MINDY2: variants seen among roughly 807,000 people sequenced by gnomAD.
The protein encoded by MINDY2 is ubiquitin carboxyl-terminal hydrolase MINDY-2.
MINDY2 carries 52 observed loss-of-function variants against 68.2 expected under a neutral mutation model. The observed-to-expected ratio is 0.76, with a 90% CI of 0.61 to 0.96. The LOEUF is 0.96. Among genes scored for constraint, MINDY2 ranks in the 40% least tolerant of loss-of-function variants. The pLI, the probability that MINDY2 is intolerant of heterozygous loss-of-function variation, is 0.00. For missense variants in MINDY2, 881 were observed against 773.4 expected, an observed-to-expected ratio of 1.14 and a Z score of -1.65; for synonymous variants, 372 against 303.0, an observed-to-expected ratio of 1.23 and a Z score of -2.36.
At chr15:58,832,027 C>A (rs1470958900) in intron 6 of MINDY2, 111 bp downstream of exon 6, 2 of 963,082 alleles carry the variant, frequency 2.1e-6, no homozygotes, top group Non-Finnish European at 2.9e-6. Context: ...TATTTCTTAA[C>A]CATCAAATTA....
chr15:58,846,613 AAAT>A (rs1237528015), intron 6 of MINDY2, among the ~76,000 whole-genome samples: 5 of 151,960 alleles, frequency 3.3e-5, no homozygotes, highest in South Asian at 2.1e-4. Context: ...AAAAAAAAAA[AAAT>A]CTCATGTAAC....
intron 5 of MINDY2, among the ~76,000 whole-genome samples, chr15:58,825,594 G>GTGTTTGTT (rs146822969): frequency 1.3e-5 from 2 of 151,870 alleles, no homozygotes; most frequent in African/African-American, 4.8e-5. Context: ...TGTTTGTGTG[G>GTGTTTGTT]TGTTTGTTTG....
chr15:58,829,123 GT>G (rs1446491828), intron 5 of MINDY2, among the ~76,000 whole-genome samples: 1 of 152,082 alleles, frequency 6.6e-6, no homozygotes, highest in African/African-American at 2.4e-5. Context: ...ACTTACAGTT[GT>G]TTTCCAAAAT....
At chr15:58,800,179 C>T (rs1440225594) in intron 2 of MINDY2, among the ~76,000 whole-genome samples, 1 of 152,112 alleles carries the variant, frequency 6.6e-6, no homozygotes, top group East Asian at 1.9e-4. Flanking sequence ...CCTAAAGTAG[C>T]TATCAAATTT....
In MINDY2 at chr15:58,771,868, G is replaced by A; in HGVS notation, c.473G>A (p.Ser158Asn). 1.3e-6 allele frequency: 2 copies of A among 1,579,530 alleles called. No homozygotes were observed. Among genetic ancestry groups the A allele is most frequent in the Non-Finnish European group, 8.6e-7 (1 of 1,164,296 alleles). ...SEEPSSAGGLSSSCSDPSPPG... is the reference protein window; with the variant it reads ...SEEPSSAGGLNSSCSDPSPPG... ...GAGCCCAGCAGCGCCGGCGGCCTCA[G>A]CAGCAGTTGCAGCGACCCGAGCCCT... is the stretch of plus-strand genomic sequence containing the variant. The change falls in exon 1 of 9, where the codon AGC becomes AAC. Residue 158 changes from serine (S) to asparagine (N), a missense_variant. By Grantham distance (46) the Ser-to-Asn change is conservative. Transcript: ENST00000559228.
At chr15:58,842,621 C>A (rs1428316229) in intron 6 of MINDY2, among the ~76,000 whole-genome samples, 1 of 152,120 alleles carries the variant, frequency 6.6e-6, no homozygotes, top group African/African-American at 2.4e-5. Flanking sequence ...CAGAGAGATT[C>A]ATCTTTTTCT....
Position 58,861,006 on chromosome 15 carries a change from G to T in MINDY2, c.*6396G>T, listed in dbSNP as rs1251357307. ...TTACAAGTAGGACAGTATAACAGGA[G>T]ATTGGTGTGTGAATGCTACAAAACA... On this transcript the variant is annotated 3_prime_UTR_variant, in exon 9 of 9. Coordinates refer to ENST00000559228, the MANE Select transcript of MINDY2 (RefSeq NM_001040450.3). The T allele has an allele frequency of 6.6e-6, 1 of 152,170 alleles. No individual in the cohort carries two copies. The highest frequency in any genetic ancestry group is 1.5e-5 in the Non-Finnish European group (1 of 68,030). 9.4% of individuals were successfully genotyped at this position (152,170 alleles called of 1,614,324 possible).
intron 4 of MINDY2, among the ~76,000 whole-genome samples, chr15:58,815,082 T>TA (rs2030588430): frequency 6.6e-6 from 1 of 152,226 alleles, no homozygotes; most frequent in South Asian, 2.1e-4. Context: ...TTTTAGCACT[T>TA]ACATTTATGA....
chr15:58,811,078 T>G (rs499269), intron 4 of MINDY2, among the ~76,000 whole-genome samples: 1,950 of 152,330 alleles, frequency 0.013, 36 homozygotes, highest in African/African-American at 0.037. Context: ...AAACTGCAGG[T>G]GTGGCCCAAG....
rs1166491220 is a variant in MINDY2 at position 58,795,688 on chromosome 15, G to A, written c.899-6625G>A. ...CAAAGTGCCGGGATTACAGGCGTGAGCCACTGCGCCCAGCCTATCGTATGT... is the reference window on the plus strand; with the variant it reads ...CAAAGTGCCGGGATTACAGGCGTGAACCACTGCGCCCAGCCTATCGTATGT... On this transcript the variant is annotated intron_variant, in intron 2 of 8. Transcript: ENST00000559228. Among the ~76,000 whole-genome samples, 4 of 152,204 alleles carry A rather than the reference G, an allele frequency of 2.6e-5. No individual in the cohort carries two copies. In the South Asian group the frequency reaches 6.2e-4, roughly 24 times the overall value.
chr15:58,849,576 T>C (rs115891724), intron 7 of MINDY2, among the ~76,000 whole-genome samples: 9,950 of 152,120 alleles, frequency 0.065, 414 homozygotes, highest in East Asian at 0.13. Context: ...AGATAAGGTG[T>C]TGAGATTGTT....
intron 2 of MINDY2, among the ~76,000 whole-genome samples, chr15:58,794,120 G>A (rs1474935628): frequency 6.6e-6 from 1 of 152,002 alleles, no homozygotes; most frequent in African/African-American, 2.4e-5. Context: ...TGCGGTGGGG[G>A]AGGAGGGGAG....
intron 5 of MINDY2, among the ~76,000 whole-genome samples, chr15:58,828,172 CAT>C (rs1440068424): frequency 1.3e-5 from 2 of 151,746 alleles, no homozygotes; most frequent in African/African-American, 2.4e-5. Flanking sequence ...AAAAAAAAAT[CAT>C]ATGAGCTTTT....
intron 6 of MINDY2, among the ~76,000 whole-genome samples, chr15:58,838,390 T>C (rs1268734660): frequency 6.6e-6 from 1 of 151,562 alleles, no homozygotes. Flanking sequence ...AGAGCGAGAC[T>C]CCATCTCAAA....
intron 1 of MINDY2, among the ~76,000 whole-genome samples, chr15:58,779,526 T>C (rs1900998558): frequency 6.6e-6 from 1 of 152,236 alleles, no homozygotes; most frequent in Middle Eastern, 3.2e-3. Flanking sequence ...AGAGCTCTTT[T>C]GAGGTTTTCC....
At chr15:58,796,561 G>C (rs190248281) in intron 2 of MINDY2, among the ~76,000 whole-genome samples, 141 of 152,314 alleles carry the variant, frequency 9.3e-4, no homozygotes, top group Middle Eastern at 3.4e-3. Flanking sequence ...GTCTCTCTCT[G>C]TTGCCCAAGC....
chr15:58,782,857 CAT>C (rs1567039107), intron 1 of MINDY2, among the ~76,000 whole-genome samples: 1 of 143,198 alleles, frequency 7.0e-6, no homozygotes, highest in Non-Finnish European at 1.5e-5. Context: ...ATTCAGGTAA[CAT>C]AAAATTGAAT....
intron 5 of MINDY2, among the ~76,000 whole-genome samples, chr15:58,827,185 G>A (rs1467776047): frequency 6.6e-6 from 1 of 152,104 alleles, no homozygotes; most frequent in Non-Finnish European, 1.5e-5. Context: ...TATCTGCCAG[G>A]TTTTTATATT....
intron 5 of MINDY2, among the ~76,000 whole-genome samples, chr15:58,823,850 G>A (rs931179412): frequency 6.6e-6 from 1 of 152,152 alleles, no homozygotes; most frequent in African/African-American, 2.4e-5. Context: ...GAGCTAGAAT[G>A]TATGGGGAAA....
Sources: gnomAD v4.1 joint callset for allele counts (sites outside exome capture counted in the v4.1 genomes callset) on GRCh38, gnomAD v4.1.1 for gene constraint, MANE v1.5 for transcripts, NCBI Gene and HGNC (gene_info 2026-07-23, HGNC 2026-07-21) for gene names.